LRRC4C: variants seen among roughly 807,000 people sequenced by gnomAD.
LRRC4C encodes leucine-rich repeat-containing protein 4C.
LRRC4C carries 5 observed loss-of-function variants against 33.6 expected under a neutral mutation model. The ratio of observed to expected loss-of-function variants is 0.15; its 90% CI spans 0.08 to 0.31. The LOEUF (loss-of-function observed/expected upper bound fraction) is 0.31, where lower values mean the gene tolerates loss of function less well. Among genes scored for constraint, LRRC4C ranks in the 10% least tolerant of loss-of-function variants. The pLI is 1.00. For synonymous variants in LRRC4C, 329 were observed against 302.0 expected, an observed-to-expected ratio of 1.09 and a Z score of -0.93; for missense variants, 560 against 796.7, an observed-to-expected ratio of 0.70 and a Z score of 3.58.
Position 41,202,316 on chromosome 11 carries a change from C to T in LRRC4C, c.-496+257115G>A, listed in dbSNP as rs534858527. Among the ~76,000 whole-genome samples, 8 of 152,290 alleles carry T rather than the reference C, an allele frequency of 5.3e-5. No individual in the cohort carries two copies. The South Asian group carries it at 1.5e-3, about 28-fold the overall frequency. On this transcript the variant is annotated intron_variant, in intron 1 of 6. Transcript: ENST00000528697. ...TGATTTGGATTTCTCATCATCTCTGCATTATGTACCCACATAGAATCAATA... is the reference window on the plus strand; with the variant it reads ...TGATTTGGATTTCTCATCATCTCTGTATTATGTACCCACATAGAATCAATA...
intron 3 of LRRC4C, among the ~76,000 whole-genome samples, chr11:40,620,058 GAA>G (rs11344920): frequency 0.048 from 6,466 of 133,610 alleles, 219 homozygotes; most frequent in South Asian, 0.099. Context: ...AAAAATACCT[GAA>G]AAAAAAAAAA....
intron 3 of LRRC4C, among the ~76,000 whole-genome samples, chr11:40,611,385 A>C (rs142256719): frequency 6.6e-6 from 1 of 152,024 alleles, no homozygotes; most frequent in East Asian, 1.9e-4. Context: ...TTAAACACTT[A>C]AATGTAAGCC....
chr11:41,459,242 G>A (rs1390241269), intron 1 of LRRC4C, among the ~76,000 whole-genome samples, 189 bp downstream of exon 1: 2 of 152,102 alleles, frequency 1.3e-5, no homozygotes, highest in Non-Finnish European at 2.9e-5. Flanking sequence ...ATGGGGGGAT[G>A]GTTATACAAA....
At chr11:40,899,874 AC>A (rs1956131598) in intron 2 of LRRC4C, among the ~76,000 whole-genome samples, 1 of 152,170 alleles carries the variant, frequency 6.6e-6, no homozygotes, top group Admixed American at 6.6e-5. Context: ...TGGTTCACAG[AC>A]TTTTTCCATT....
chr11:40,301,225 A>G (rs1004807183), intron 4 of LRRC4C, among the ~76,000 whole-genome samples: 1 of 152,208 alleles, frequency 6.6e-6, no homozygotes, highest in African/African-American at 2.4e-5. Context: ...TTTGGCAACC[A>G]CTTCTGAATG....
At chr11:40,207,532 C>A (rs1863249545) in intron 5 of LRRC4C, among the ~76,000 whole-genome samples, 1 of 152,104 alleles carries the variant, frequency 6.6e-6, no homozygotes, top group South Asian at 2.1e-4. Context: ...AGCCCAGGAG[C>A]TTGAGGTTGC....
chr11:40,706,931 C>T (rs1401898218), intron 2 of LRRC4C, among the ~76,000 whole-genome samples: 1 of 152,078 alleles, frequency 6.6e-6, no homozygotes, highest in Non-Finnish European at 1.5e-5. Context: ...CTTCACTTCC[C>T]TTGTAAGTTG....
chr11:41,244,872 T>C (rs1184234029), intron 1 of LRRC4C, among the ~76,000 whole-genome samples: 1 of 152,170 alleles, frequency 6.6e-6, no homozygotes, highest in Non-Finnish European at 1.5e-5. Context: ...TACTCACGAC[T>C]GGCTCAGGCT....
chr11:41,349,911 C>G (rs897132011), intron 1 of LRRC4C, among the ~76,000 whole-genome samples: 2 of 152,094 alleles, frequency 1.3e-5, no homozygotes, highest in Non-Finnish European at 2.9e-5. Flanking sequence ...ATAATTAATT[C>G]TTCCAAAACA....
intron 4 of LRRC4C, among the ~76,000 whole-genome samples, chr11:40,295,066 G>T (rs935659082): frequency 1.3e-5 from 2 of 152,092 alleles, no homozygotes; most frequent in African/African-American, 4.8e-5. Flanking sequence ...AACATCCCCT[G>T]CTCCAGGATG....
At chr11:41,021,652 TATGG>T (rs1175488030) in intron 1 of LRRC4C, among the ~76,000 whole-genome samples, 1 of 152,100 alleles carries the variant, frequency 6.6e-6, no homozygotes, top group Non-Finnish European at 1.5e-5. Context: ...ATGCTAATAC[TATGG>T]TTCAGATAAC....
chr11:41,270,216 T>G (rs1353531336), intron 1 of LRRC4C, among the ~76,000 whole-genome samples: 1 of 152,084 alleles, frequency 6.6e-6, no homozygotes, highest in African/African-American at 2.4e-5. Context: ...TCCAAAAATT[T>G]CCTTCATACT....
Position 40,762,693 on chromosome 11 carries a change from T to G in LRRC4C, c.-406-114415A>C, listed in dbSNP as rs957616012. Among the ~76,000 whole-genome samples, 7 of 152,272 alleles carry G rather than the reference T, an allele frequency of 4.6e-5. No individual in the cohort carries two copies. The East Asian group carries it at 1.4e-3, about 29-fold the overall frequency. ...TCAGTCTTTGCCAAAGAAGGAGATA[T>G]GAGAAGTTGACTTGCTTGAGTAGTC... On this transcript the variant is annotated intron_variant, in intron 2 of 6. Transcript: ENST00000528697.
intron 3 of LRRC4C, among the ~76,000 whole-genome samples, chr11:40,467,826 T>C (rs932750566): frequency 4.7e-4 from 72 of 152,296 alleles, no homozygotes; most frequent in Non-Finnish European, 2.5e-4. Context: ...ATAGACTATA[T>C]TGCAATACAG....
chr11:40,772,053 C>T (rs78362237), intron 2 of LRRC4C, among the ~76,000 whole-genome samples: 9 of 151,960 alleles, frequency 5.9e-5, no homozygotes, highest in Admixed American at 1.3e-4. Context: ...CTTCTTGTAC[C>T]GATTTACTGT....
intron 1 of LRRC4C, among the ~76,000 whole-genome samples, chr11:41,319,444 GACA>G (rs1362976082): frequency 7.2e-5 from 11 of 152,260 alleles, no homozygotes; most frequent in East Asian, 1.9e-4. Flanking sequence ...TCCAGAATGA[GACA>G]ACAAGTTGCC....
intron 1 of LRRC4C, among the ~76,000 whole-genome samples, chr11:40,956,421 C>A (rs375475968): frequency 6.6e-6 from 1 of 151,666 alleles, no homozygotes; most frequent in African/African-American, 2.4e-5. Context: ...TTCTGGCAGT[C>A]CTTTTTCATA....
intron 2 of LRRC4C, among the ~76,000 whole-genome samples, chr11:40,660,995 A>G (rs2136209289): frequency 6.6e-6 from 1 of 152,330 alleles, no homozygotes; most frequent in South Asian, 2.1e-4. Flanking sequence ...ATAAATGAAT[A>G]AAGGGGTTTC....
chr11:41,034,509 T>C (rs1374072398), intron 1 of LRRC4C, among the ~76,000 whole-genome samples: 2 of 145,418 alleles, frequency 1.4e-5, no homozygotes, highest in Admixed American at 7.0e-5. Flanking sequence ...ATACAAAATA[T>C]ATGTGTGTAT....
Sources: gnomAD v4.1 joint callset for allele counts (sites outside exome capture counted in the v4.1 genomes callset) on GRCh38, gnomAD v4.1.1 for gene constraint, MANE v1.5 for transcripts, NCBI Gene and HGNC (gene_info 2026-07-23, HGNC 2026-07-21) for gene names.